ARHGEF28: variants seen among roughly 807,000 people sequenced by gnomAD.
The protein encoded by ARHGEF28 is Rho guanine nucleotide exchange factor 28, also known as 190 kDa guanine nucleotide exchange factor.
In ARHGEF28, 152 loss-of-function variants were observed where a neutral mutation model predicts 206.6. The observed-to-expected ratio is 0.74, with a 90% CI of 0.64 to 0.84. The LOEUF (loss-of-function observed/expected upper bound fraction) is 0.84. Ranked by LOEUF, ARHGEF28 falls within the 40% of genes least tolerant of loss-of-function variation. The pLI, the probability that ARHGEF28 is intolerant of heterozygous loss-of-function variation, is 0.00. For synonymous variants in ARHGEF28, 763 were observed against 776.4 expected, an observed-to-expected ratio of 0.98 and a Z score of 0.29; for missense variants, 2,028 against 2,073.2, an observed-to-expected ratio of 0.98 and a Z score of 0.42.
chr5:73,710,951 G>A (rs778139393), intron 2 of ARHGEF28, among the ~76,000 whole-genome samples: 23 of 152,070 alleles, frequency 1.5e-4, no homozygotes, highest in Non-Finnish European at 2.6e-4. Flanking sequence ...TAATTTGCCC[G>A]CCTCAGCCTC....
At chr5:73,862,320 C>G (rs143044615) in intron 16 of ARHGEF28, among the ~76,000 whole-genome samples, 1 of 152,104 alleles carries the variant, frequency 6.6e-6, no homozygotes, top group Admixed American at 6.5e-5. Flanking sequence ...AAACTTAATA[C>G]TCCTCCTGCT....
chr5:73,730,010 A>G (rs111421575), intron 2 of ARHGEF28, among the ~76,000 whole-genome samples: 227 of 152,332 alleles, frequency 1.5e-3, no homozygotes, highest in African/African-American at 4.6e-3. Flanking sequence ...ATTTAAACGT[A>G]TTGCCAAATA....
intron 4 of ARHGEF28, among the ~76,000 whole-genome samples, chr5:73,762,067 A>G (rs1752629826): frequency 1.3e-5 from 2 of 151,076 alleles, no homozygotes; most frequent in South Asian, 2.1e-4. Flanking sequence ...TCCTGGGCTC[A>G]AACGATCCTC....
At chr5:73,655,815 G>T (rs1034354564) in intron 1 of ARHGEF28, among the ~76,000 whole-genome samples, 3 of 152,116 alleles carry the variant, frequency 2.0e-5, no homozygotes, top group Non-Finnish European at 2.9e-5. Context: ...AAATAATCAT[G>T]ATTTCCAAAG....
intron 2 of ARHGEF28, among the ~76,000 whole-genome samples, chr5:73,730,007 C>T (rs777673512): frequency 9.9e-5 from 15 of 152,124 alleles, no homozygotes; most frequent in African/African-American, 1.9e-4. Flanking sequence ...GAGATTTAAA[C>T]GTATTGCCAA....
intron 1 of ARHGEF28, among the ~76,000 whole-genome samples, chr5:73,673,276 G>A (rs751427904): frequency 2.6e-4 from 40 of 152,264 alleles, no homozygotes; most frequent in Non-Finnish European, 3.2e-4. Context: ...GCAATTATAA[G>A]CCTACATTCC....
At chr5:73,828,231 T>C (rs1757032122) in intron 9 of ARHGEF28, among the ~76,000 whole-genome samples, 1 of 152,224 alleles carries the variant, frequency 6.6e-6, no homozygotes, top group Non-Finnish European at 1.5e-5. Context: ...AGCCCATTAT[T>C]TGCAGTGGCT....
intron 9 of ARHGEF28, among the ~76,000 whole-genome samples, chr5:73,830,833 C>T (rs755536547): frequency 2.0e-5 from 3 of 151,998 alleles, no homozygotes; most frequent in African/African-American, 4.8e-5. Context: ...CCTGATTCAC[C>T]CCCATGGGCT....
At chr5:73,844,052 AAAT>A (rs1469833926) in intron 11 of ARHGEF28, among the ~76,000 whole-genome samples, 1 of 152,234 alleles carries the variant, frequency 6.6e-6, no homozygotes, top group Admixed American at 6.5e-5. Flanking sequence ...GGAATTAGAA[AAAT>A]AATATCGTAA....
At chr5:73,763,158 A>G (rs915757194) in intron 4 of ARHGEF28, among the ~76,000 whole-genome samples, 5 of 151,262 alleles carry the variant, frequency 3.3e-5, no homozygotes, top group African/African-American at 1.2e-4. Context: ...CTTTTTTCCA[A>G]CCTCCCCTTC....
At chr5:73,870,672 T>A (rs573897716) in intron 21 of ARHGEF28, among the ~76,000 whole-genome samples, 5 of 152,256 alleles carry the variant, frequency 3.3e-5, no homozygotes, top group African/African-American at 1.2e-4. Context: ...AGGTGCAGTG[T>A]GAGTAGCTGC....
At chr5:73,669,319 GAAA>G (rs1746162691) in intron 1 of ARHGEF28, among the ~76,000 whole-genome samples, 1 of 152,112 alleles carries the variant, frequency 6.6e-6, no homozygotes, top group African/African-American at 2.4e-5. Context: ...ACAAAGGAGA[GAAA>G]ACTAATAGGA....
chr5:73,842,730 G>C (rs563297904), intron 11 of ARHGEF28, among the ~76,000 whole-genome samples: 4 of 152,248 alleles, frequency 2.6e-5, no homozygotes, highest in Non-Finnish European at 5.9e-5. Flanking sequence ...TGCAATCCCC[G>C]TACTTTGGGA....
chr5:73,635,595 T>C (rs1321031562), intron 1 of ARHGEF28, among the ~76,000 whole-genome samples: 1 of 152,172 alleles, frequency 6.6e-6, no homozygotes, highest in Non-Finnish European at 1.5e-5. Context: ...GATATGGTAG[T>C]GTAGTAGGGA....
intron 2 of ARHGEF28, among the ~76,000 whole-genome samples, chr5:73,700,591 A>G (rs1302173193): frequency 1.3e-5 from 2 of 152,196 alleles, no homozygotes; most frequent in East Asian, 3.8e-4. Flanking sequence ...GGTTAACAGT[A>G]AAGTATCGTA....
At chr5:73,756,214 A>G (rs1580573875) in intron 4 of ARHGEF28, among the ~76,000 whole-genome samples, 1 of 152,352 alleles carries the variant, frequency 6.6e-6, no homozygotes, top group Admixed American at 6.5e-5. Flanking sequence ...ATCTAAACAT[A>G]TTAAGTTTTC....
intron 2 of ARHGEF28, among the ~76,000 whole-genome samples, chr5:73,737,439 C>CTTTTCTTTTCTT (rs1751018089): frequency 1.4e-5 from 1 of 72,500 alleles, no homozygotes; most frequent in African/African-American, 4.8e-5. Flanking sequence ...AGCCCTCTTC[C>CTTTTCTTTTCTT]TTCTTTTCTT....
At chr5:73,878,045 T>A (rs1158436364) in intron 22 of ARHGEF28, among the ~76,000 whole-genome samples, 3 of 152,288 alleles carry the variant, frequency 2.0e-5, no homozygotes, top group Non-Finnish European at 2.9e-5. Flanking sequence ...CCCATTATTA[T>A]TGTGTGGGAG....
At chr5:73,690,083 G>T (rs1238960537) in intron 2 of ARHGEF28, among the ~76,000 whole-genome samples, 1 of 120,914 alleles carries the variant, frequency 8.3e-6, no homozygotes, top group Non-Finnish European at 1.8e-5. Context: ...AAGATTTCAC[G>T]TTGCCGTGAG....
Sources: allele counts gnomAD v4.1 joint callset (sites outside exome capture counted in the v4.1 genomes callset), GRCh38; gene constraint gnomAD v4.1.1; transcripts MANE v1.5; gene names NCBI Gene and HGNC (gene_info 2026-07-23, HGNC 2026-07-21).